Variants in MEGF6 observed in about 807,000 individuals in gnomAD.
MEGF6 encodes the protein multiple epidermal growth factor-like domains protein 6.
Under a neutral mutation model 207.1 loss-of-function variants are expected in MEGF6, and 184 were observed. That is an observed-to-expected ratio of 0.89 (90% CI 0.79 to 1.00). The LOEUF (loss-of-function observed/expected upper bound fraction) is 1.00, where lower values mean the gene tolerates loss of function less well. Among genes scored for constraint, MEGF6 ranks in the 50% least tolerant of loss-of-function variants. MEGF6 has a pLI of 0.00. For synonymous variants in MEGF6, 1,038 were observed against 910.0 expected, an observed-to-expected ratio of 1.14 and a Z score of -2.53; for missense variants, 2,282 against 2,202.9, an observed-to-expected ratio of 1.04 and a Z score of -0.72.
At chr1:3,624,518 C>CG in the MEGF6 span, 1 of 152,384 alleles carries the variant, frequency 6.6e-6, no homozygotes, top group African/African-American at 2.4e-5. Flanking sequence ...CGCTGCCCGG[C>CG]GTGCGAACTC....
rs147420057 is a variant in MEGF6, at chr1:3,545,702, A to C, written c.482-21456T>G. 6.5e-3 allele frequency among the ~76,000 whole-genome samples: 987 copies of C among 152,250 alleles called. 4 individuals are homozygous for C. Among genetic ancestry groups the C allele is most frequent in the Non-Finnish European group, 0.01 (705 of 68,012 alleles). Reference sequence around the variant, plus strand: ...GAAACCAAGGCAAGAGCCAGAATGGAGCGGGGGTCCGGGAGCTGGCGGGGA... The same window carrying C: ...GAAACCAAGGCAAGAGCCAGAATGGCGCGGGGGTCCGGGAGCTGGCGGGGA... On this transcript the variant is annotated intron_variant, in intron 4 of 36. Transcript: ENST00000356575.
At chr1:3,523,627 G>GCT (rs1247713865) in intron 5 of MEGF6, among the ~76,000 whole-genome samples, 1 of 152,180 alleles carries the variant, frequency 6.6e-6, no homozygotes, top group African/African-American at 2.4e-5. Context: ...GCCTGGCTCT[G>GCT]CGGGCGAAGG....
At chr1:3,567,534 C>G (rs1050622840) in intron 4 of MEGF6, among the ~76,000 whole-genome samples, 17 of 152,208 alleles carry the variant, frequency 1.1e-4, no homozygotes, top group Admixed American at 9.8e-4. Context: ...ACATGCCCCC[C>G]CCAGGCTCTC....
intron 6 of MEGF6, among the ~76,000 whole-genome samples, chr1:3,514,945 T>C (rs940214282): frequency 2.5e-4 from 38 of 152,186 alleles, no homozygotes; most frequent in Admixed American, 2.2e-3. Context: ...GCCCAGGTGC[T>C]GGCGCTGACA....
In MEGF6 at chr1:3,581,383, A is replaced by G. The variant is rs573413591; in HGVS notation, c.377-1454T>C. Among the ~76,000 whole-genome samples the G allele has an allele frequency of 1.8e-3, 271 of 152,284 alleles. 6 individuals carry two copies. In the South Asian group the frequency reaches 0.054, roughly 30 times the overall value. ...CCCTACCAGCCTCTTCCCTCCAGCC[A>G]AACACCTGCAGCCTGAGGATGTGTC... On this transcript the variant is annotated intron_variant, in intron 3 of 36. Transcript: ENST00000356575.
intron 4 of MEGF6, among the ~76,000 whole-genome samples, chr1:3,526,331 C>T (rs1049954737): frequency 2.0e-5 from 3 of 151,804 alleles, no homozygotes; most frequent in Admixed American, 6.6e-5. Flanking sequence ...GTACCCAGGC[C>T]AGGGCAGACA....
At chr1:3,592,133 C>T (rs1470273047) in intron 3 of MEGF6, among the ~76,000 whole-genome samples, 2 of 152,188 alleles carry the variant, frequency 1.3e-5, no homozygotes, top group Admixed American at 1.3e-4. Flanking sequence ...GCCCAACAAC[C>T]TCACACAGTG....
chr1:3,512,052 C>G lies in MEGF6; in HGVS notation c.930G>C (p.Val310=). Residue 310 remains valine (V), a synonymous_variant, in exon 8 of 37, where the codon GTG becomes GTC. Transcript: ENST00000356575. The stretch of plus-strand genomic sequence containing the variant: ...CGCCCAGCTCATAGCCCGCGTGACA[C>G]ACGCACTTGAAGGACCCCTGGGTGT... The part of the protein sequence containing the change: ...CLNTQGSFKC[V]CHAGYELGAD... 6.2e-7 allele frequency: 1 copy of G among 1,612,826 alleles called. No homozygotes were observed. Among genetic ancestry groups the G allele is most frequent in the Admixed American group, 1.7e-5 (1 of 60,012 alleles).
intron 10 of MEGF6, 108 bp downstream of exon 10, chr1:3,510,675 G>C: frequency 7.0e-7 from 1 of 1,428,654 alleles, no homozygotes; most frequent in Non-Finnish European, 9.3e-7. Context: ...CACAGAGCAG[G>C]CCGACCCCAT....
intron 23 of MEGF6, 115 bp downstream of exon 23, chr1:3,499,473 A>AG (rs1417160007): frequency 6.1e-6 from 9 of 1,474,722 alleles, no homozygotes; most frequent in Admixed American, 2.1e-5. Context: ...CATCACTCTC[A>AG]GGGGGGTTGC....
chr1:3,602,147 C>T (rs1557427154), intron 2 of MEGF6, among the ~76,000 whole-genome samples: 1 of 152,258 alleles, frequency 6.6e-6, no homozygotes, highest in African/African-American at 2.4e-5. Context: ...CCACCGGGCC[C>T]CTGGCAGGCT....
intron 4 of MEGF6, among the ~76,000 whole-genome samples, chr1:3,530,288 C>T (rs1011289337): frequency 7.2e-5 from 11 of 152,198 alleles, no homozygotes; most frequent in African/African-American, 2.7e-4. Flanking sequence ...GGCAGAAGCT[C>T]GGCCTGGCAC....
intron 4 of MEGF6, among the ~76,000 whole-genome samples, chr1:3,550,120 G>A (rs1053747268): frequency 1.6e-4 from 24 of 152,116 alleles, no homozygotes; most frequent in Non-Finnish European, 3.2e-4. Context: ...AGAAAGTAAC[G>A]GCTCCCGACA....
Position 3,524,215 on chromosome 1 carries a change from G to C in MEGF6, c.513C>G (p.Gly171=), listed in dbSNP as rs776253594. 3.7e-6 allele frequency: 6 copies of C among 1,612,642 alleles called. No individual in the cohort carries two copies. The African/African-American group carries it at 8.0e-5, about 22-fold the overall frequency. The change falls in exon 5 of 37, where the codon GGC becomes GGG. Residue 171 remains glycine, a synonymous_variant. Transcript: ENST00000356575. ...DVDECRTHNG[G]CQHRCVNTPG... is the part of the protein sequence containing the mutation. Reference sequence around the variant, plus strand: ...GGGTGTTCACGCACCGGTGCTGGCAGCCACCGTTGTGGGTTCGGCATTCGT... The same window carrying C: ...GGGTGTTCACGCACCGGTGCTGGCACCCACCGTTGTGGGTTCGGCATTCGT...
At chr1:3,492,874 C>T (rs1640430998) in intron 34 of MEGF6, 107 bp from the exon 35 acceptor site, 6 of 1,472,718 alleles carry the variant, frequency 4.1e-6, no homozygotes, top group East Asian at 2.5e-5. Context: ...TGGAGTGAAG[C>T]CTTCTGCCTG....
intron 3 of MEGF6, among the ~76,000 whole-genome samples, chr1:3,580,981 G>A (rs532131561): frequency 6.6e-6 from 1 of 152,264 alleles, no homozygotes; most frequent in East Asian, 1.9e-4. Context: ...GGGATTCCCA[G>A]GCACAGGTCG....
At chr1:3,599,423 C>A (rs560698150) in intron 2 of MEGF6, among the ~76,000 whole-genome samples, 1 of 152,258 alleles carries the variant, frequency 6.6e-6, no homozygotes, top group Admixed American at 6.5e-5. Flanking sequence ...CCTGCTCCAA[C>A]CAACTGGAGA....
At chr1:3,611,532 G>C (rs1216719379), upstream of MEGF6, 1 of 356,690 alleles carries the variant, frequency 2.8e-6, no homozygotes, top group African/African-American at 2.1e-5. Context: ...AGCCTGGAAA[G>C]CCGCCACGCC....
chr1:3,511,910 G>A, intron 8 of MEGF6, 96 bp downstream of exon 8: 1 of 1,567,642 alleles, frequency 6.4e-7, no homozygotes, highest in South Asian at 1.2e-5. Context: ...TGATTGACAA[G>A]GAAGCCCTGC....
Sources: allele counts gnomAD v4.1 joint callset (sites outside exome capture counted in the v4.1 genomes callset), GRCh38; gene constraint gnomAD v4.1.1; transcripts MANE v1.5; gene names NCBI Gene and HGNC (gene_info 2026-07-23, HGNC 2026-07-21).